EMCN: variants seen among roughly 807,000 people sequenced by gnomAD.
EMCN encodes the protein endomucin.
EMCN carries 37 observed loss-of-function variants against 38.4 expected under a neutral mutation model. The observed-to-expected ratio is 0.96, with a 90% CI of 0.74 to 1.27. The LOEUF is 1.27. EMCN is among the 50% of genes most tolerant of loss of function. EMCN has a pLI of 0.00. For synonymous variants in EMCN, 95 were observed against 100.8 expected (o/e 0.94, Z 0.35); for missense variants, 318 against 302.8 (o/e 1.05, Z -0.37).
chr4:100,505,133 G>T (rs1578237620), intron 1 of EMCN, among the ~76,000 whole-genome samples: 1 of 152,134 alleles, frequency 6.6e-6, no homozygotes, highest in East Asian at 1.9e-4. Context: ...ATTGGAGATG[G>T]CTCACACTCC....
chr4:100,496,404 T>G (rs1729208308), intron 1 of EMCN, among the ~76,000 whole-genome samples: 1 of 152,194 alleles, frequency 6.6e-6, no homozygotes, highest in African/African-American at 2.4e-5. Flanking sequence ...AGCAGCTGCC[T>G]GTGGTTTAAT....
At chr4:100,492,495 A>T (rs1238937164) in intron 1 of EMCN, among the ~76,000 whole-genome samples, 2 of 152,190 alleles carry the variant, frequency 1.3e-5, no homozygotes, top group Non-Finnish European at 2.9e-5. Flanking sequence ...TATTTAAAGA[A>T]GTAATGGCTG....
At chr4:100,464,345 G>A (rs141139790) in intron 4 of EMCN, among the ~76,000 whole-genome samples, 5 of 152,000 alleles carry the variant, frequency 3.3e-5, no homozygotes, top group African/African-American at 1.2e-4. Flanking sequence ...AATAAAAAAT[G>A]CTTTATTTCT....
In EMCN at chr4:100,428,064, C is replaced by CTGGCAGTGTCTG. The variant is rs72010620; in HGVS notation, c.416-4661_416-4660insCAGACACTGCCA. Among the ~76,000 whole-genome samples the CTGGCAGTGTCTG allele has an allele frequency of 1.5e-4, 23 of 151,160 alleles. No individual in the cohort carries two copies. In the South Asian group the frequency reaches 4.4e-3, roughly 29 times the overall value. On this transcript the variant is annotated intron_variant, in intron 5 of 11. Transcript: ENST00000296420. The stretch of plus-strand genomic sequence containing the variant: ...CTTCTCTCTCCTATATCCTTTCTTC[C>CTGGCAGTGTCTG]TTCAGCTGAGTTATAAAACATGGGT...
chr4:100,497,162 T>A (rs192686502), intron 1 of EMCN, among the ~76,000 whole-genome samples: 29 of 150,318 alleles, frequency 1.9e-4, no homozygotes, highest in Non-Finnish European at 3.5e-4. Flanking sequence ...CAAGAAAAAA[T>A]TATATATAAA....
intron 1 of EMCN, among the ~76,000 whole-genome samples, chr4:100,510,238 T>A (rs1226673808): frequency 1.3e-5 from 2 of 152,158 alleles, no homozygotes; most frequent in African/African-American, 2.4e-5. Flanking sequence ...CAAACACAAT[T>A]TTGCTTATTA....
At chr4:100,423,601 C>G (rs968103511) in intron 5 of EMCN, among the ~76,000 whole-genome samples, 197 bp from the exon 6 acceptor site, 1 of 152,084 alleles carries the variant, frequency 6.6e-6, no homozygotes, top group Admixed American at 6.6e-5. Flanking sequence ...TTTAGAATCA[C>G]AAAGCCTGAG....
intron 4 of EMCN, among the ~76,000 whole-genome samples, chr4:100,463,181 T>C (rs1282717458): frequency 6.6e-6 from 1 of 152,142 alleles, no homozygotes; most frequent in Non-Finnish European, 1.5e-5. Flanking sequence ...TTATGGGAGT[T>C]CTAGCTTCTA....
At chr4:100,503,986 A>G (rs943481507) in intron 1 of EMCN, among the ~76,000 whole-genome samples, 1 of 152,344 alleles carries the variant, frequency 6.6e-6, no homozygotes, top group South Asian at 2.1e-4. Context: ...AAAAATAACC[A>G]TATGCAAATT....
At chr4:100,413,801 A>G (rs13145501) in intron 10 of EMCN, among the ~76,000 whole-genome samples, 44,381 of 152,120 alleles carry the variant, frequency 0.29, 8,172 homozygotes, top group Non-Finnish European at 0.42. Flanking sequence ...CCAAGAATAT[A>G]TCTTACTATT....
intron 1 of EMCN, among the ~76,000 whole-genome samples, chr4:100,501,476 T>G (rs1031605380): frequency 1.1e-4 from 17 of 152,168 alleles, no homozygotes; most frequent in African/African-American, 4.1e-4. Flanking sequence ...TACTGTATCT[T>G]TGTTATGGGA....
intron 3 of EMCN, among the ~76,000 whole-genome samples, chr4:100,471,617 C>G (rs544534111): frequency 6.6e-6 from 1 of 151,892 alleles, no homozygotes; most frequent in Non-Finnish European, 1.5e-5. Flanking sequence ...GATTTCAAAA[C>G]TAGACAAATA....
In EMCN at chr4:100,502,015, C is replaced by T. The variant is rs117982253; in HGVS notation, c.64+15836G>A. On this transcript the variant is annotated intron_variant, in intron 1 of 11. Transcript: ENST00000296420. ...GGTTAAAAGTAGAAAATTTAATAGGCGAAAGAAAGAAGAGAAAAGCTCCCC... is the reference window on the plus strand; with the variant it reads ...GGTTAAAAGTAGAAAATTTAATAGGTGAAAGAAAGAAGAGAAAAGCTCCCC... Among the ~76,000 whole-genome samples, 925 of 151,868 alleles carry T rather than the reference C, an allele frequency of 6.1e-3. 22 individuals are homozygous for T. Among genetic ancestry groups the T allele is most frequent in the East Asian group, 0.029 (150 of 5,170 alleles).
chr4:100,399,145 G>A (rs545162814), intron 11 of EMCN, among the ~76,000 whole-genome samples: 1 of 152,324 alleles, frequency 6.6e-6, no homozygotes, highest in African/African-American at 2.4e-5. Context: ...AGGTAGCCAA[G>A]CCTTTGGTTT....
chr4:100,509,614 A>G (rs1729572679), intron 1 of EMCN, among the ~76,000 whole-genome samples: 1 of 152,212 alleles, frequency 6.6e-6, no homozygotes, highest in Non-Finnish European at 1.5e-5. Context: ...TTCACAGTTC[A>G]TACCACAAAA....
intron 7 of EMCN, among the ~76,000 whole-genome samples, chr4:100,422,439 A>C (rs749596153): frequency 1.3e-5 from 2 of 152,060 alleles, no homozygotes; most frequent in Non-Finnish European, 2.9e-5. Flanking sequence ...ATTACTAAGG[A>C]AGTTATTTAA....
chr4:100,505,287 T>C (rs907413884), intron 1 of EMCN, among the ~76,000 whole-genome samples: 2 of 152,204 alleles, frequency 1.3e-5, no homozygotes, highest in Admixed American at 6.5e-5. Flanking sequence ...TCTTTATTTC[T>C]ACAATCTCTC....
At chr4:100,414,479 A>C (rs541720341) in intron 10 of EMCN, among the ~76,000 whole-genome samples, 2 of 149,942 alleles carry the variant, frequency 1.3e-5, no homozygotes, top group Non-Finnish European at 2.9e-5. Context: ...CTATGGGTAC[A>C]CTTTGCTCCT....
At position 100,423,049 on chromosome 4, in the gene EMCN, G is replaced by A. The variant is rs1409221821; in HGVS notation, c.540C>T (p.Ser180=). The change falls in exon 7 of 12, where the codon AGC becomes AGT. Residue 180 remains serine, a synonymous_variant. Coordinates refer to ENST00000296420, the MANE Select transcript of EMCN (RefSeq NM_016242.4). ...AATAAGACCGGCTGGTTGCTGAAGT[G>A]CTTGCATTTTTTCCACCCTCAGTGC... ...VIGTEGGKNA[S]TSATSRSYSS... 1 of 1,613,032 alleles carries A rather than the reference G, an allele frequency of 6.2e-7. No homozygotes were observed. Among genetic ancestry groups the A allele is most frequent in the South Asian group, 1.1e-5 (1 of 91,058 alleles).
Sources: allele counts gnomAD v4.1 joint callset (sites outside exome capture counted in the v4.1 genomes callset), GRCh38; gene constraint gnomAD v4.1.1; transcripts MANE v1.5; gene names NCBI Gene and HGNC (gene_info 2026-07-23, HGNC 2026-07-21).